The following PTPRD variants were observed in gnomAD, a reference collection of about 807,000 sequenced individuals.
PTPRD encodes the protein protein tyrosine phosphatase receptor type D, also known as receptor-type tyrosine-protein phosphatase delta.
PTPRD carries 34 observed loss-of-function variants against 214.5 expected under a neutral mutation model. That is an observed-to-expected ratio of 0.16 (90% CI 0.12 to 0.21). The LOEUF (loss-of-function observed/expected upper bound fraction) is 0.21, where lower values mean the gene tolerates loss of function less well. Ranked by LOEUF, PTPRD falls within the 10% of genes least tolerant of loss-of-function variation. PTPRD has a pLI of 1.00. For missense variants in PTPRD, 2,545 were observed against 2,398.7 expected, an observed-to-expected ratio of 1.06 and a Z score of -1.27; for synonymous variants, 1,128 against 845.7, an observed-to-expected ratio of 1.33 and a Z score of -5.79.
At chr9:9,161,043 G>T (rs2099887502) in intron 10 of PTPRD, among the ~76,000 whole-genome samples, 2 of 152,118 alleles carry the variant, frequency 1.3e-5, no homozygotes, top group Non-Finnish European at 2.9e-5. Context: ...TATGGGGCAG[G>T]GGGTGGCAGG....
At chr9:9,800,463 G>A (rs1331272530) in intron 5 of PTPRD, 1 of 152,118 alleles carries the variant, frequency 6.6e-6, no homozygotes, top group Non-Finnish European at 1.5e-5. Context: ...CAGGATCCCT[G>A]GAGAAAAAGG....
intron 12 of PTPRD, among the ~76,000 whole-genome samples, chr9:8,695,279 T>A (rs547525382): frequency 6.6e-6 from 1 of 152,174 alleles, no homozygotes; most frequent in Admixed American, 6.5e-5. Flanking sequence ...TAAATTTTCA[T>A]TCACCAGGAT....
intron 12 of PTPRD, among the ~76,000 whole-genome samples, chr9:8,728,011 G>C (rs2098604881): frequency 6.6e-6 from 1 of 152,280 alleles, no homozygotes; most frequent in African/African-American, 2.4e-5. Flanking sequence ...AATTTGGGAG[G>C]CCACGGCGGG....
At chr9:9,716,950 C>T (rs1282883091) in intron 7 of PTPRD, among the ~76,000 whole-genome samples, 1 of 152,134 alleles carries the variant, frequency 6.6e-6, no homozygotes, top group East Asian at 1.9e-4. Context: ...AATGGTAATG[C>T]CTAGGATGTC....
rs61268251 is a variant in PTPRD at position 9,720,780 on chromosome 9, G to T, written c.-287+13753C>A. Among the ~76,000 whole-genome samples, 10 of 151,368 alleles carry T rather than the reference G, an allele frequency of 6.6e-5. 1 individual carries two copies. The East Asian group carries it at 1.9e-3, about 29-fold the overall frequency. On this transcript the variant is annotated intron_variant, in intron 7 of 45. Coordinates refer to ENST00000381196, the MANE Select transcript of PTPRD (RefSeq NM_002839.4). ...ATGACAGGTTGGATAAATAAAATGCGATATATATACACCATGGAATACTAT... is the reference window on the plus strand; with the variant it reads ...ATGACAGGTTGGATAAATAAAATGCTATATATATACACCATGGAATACTAT...
At chr9:8,833,033 A>C (rs1465186505) in intron 11 of PTPRD, among the ~76,000 whole-genome samples, 1 of 152,134 alleles carries the variant, frequency 6.6e-6, no homozygotes, top group Non-Finnish European at 1.5e-5. Flanking sequence ...TCAGCAATAC[A>C]ACTGACTTGA....
chr9:10,199,672 T>A (rs2099411728), intron 3 of PTPRD, among the ~76,000 whole-genome samples: 1 of 151,968 alleles, frequency 6.6e-6, no homozygotes, highest in Admixed American at 6.6e-5. Context: ...TAAGAATAGA[T>A]ACCACATAGC....
chr9:10,234,629 A>AT (rs71321232), intron 3 of PTPRD, among the ~76,000 whole-genome samples: 52,862 of 151,748 alleles, frequency 0.35, 11,413 homozygotes, highest in Non-Finnish European at 0.49. Context: ...CTGGAAATGC[A>AT]TTGCTAAATT....
At chr9:9,826,424 T>C (rs557317818) in intron 5 of PTPRD, among the ~76,000 whole-genome samples, 1 of 152,172 alleles carries the variant, frequency 6.6e-6, no homozygotes, top group African/African-American at 2.4e-5. Context: ...TGAAGTATTT[T>C]GAAGGCAGAC....
chr9:9,294,677 G>A (rs989168503), intron 9 of PTPRD, among the ~76,000 whole-genome samples: 10 of 151,528 alleles, frequency 6.6e-5, no homozygotes, highest in African/African-American at 2.4e-4. Flanking sequence ...AAGAGACATG[G>A]CCTTAGAATG....
intron 5 of PTPRD, among the ~76,000 whole-genome samples, chr9:9,906,760 T>C (rs1029910949): frequency 6.6e-6 from 1 of 151,942 alleles, no homozygotes; most frequent in African/African-American, 2.4e-5. Context: ...TTCAAAAGTG[T>C]ATGTACATGG....
intron 9 of PTPRD, among the ~76,000 whole-genome samples, chr9:9,346,041 T>C (rs2048670103): frequency 6.6e-6 from 1 of 152,104 alleles, no homozygotes; most frequent in African/African-American, 2.4e-5. Context: ...TTTAAGAGTA[T>C]AGAATAGGGG....
intron 4 of PTPRD, among the ~76,000 whole-genome samples, chr9:9,998,115 T>TAAAAAAAAA (rs1158744931): frequency 3.8e-5 from 4 of 105,808 alleles, no homozygotes; most frequent in Admixed American, 2.1e-4. Flanking sequence ...TAAAGTATAA[T>TAAAAAAAAA]AAAAAAAAAA....
At chr9:8,946,653 G>T (rs1393492038) in intron 11 of PTPRD, among the ~76,000 whole-genome samples, 1 of 152,118 alleles carries the variant, frequency 6.6e-6, no homozygotes, top group Non-Finnish European at 1.5e-5. Context: ...TAAGGGCCAA[G>T]GACCAGGGAG....
intron 11 of PTPRD, among the ~76,000 whole-genome samples, chr9:8,909,475 C>T (rs1254789392): frequency 6.6e-6 from 1 of 152,048 alleles, no homozygotes; most frequent in Non-Finnish European, 1.5e-5. Flanking sequence ...TGTAGTAAGC[C>T]TTGACAGACA....
In PTPRD at chr9:9,768,232, T is replaced by C. The variant is rs552618698; in HGVS notation, c.-367-1381A>G. ...CTGTAGACTACTTACATACCCTCTC[T>C]GAGACTTGAATTTTCATGTACAATG... On this transcript the variant is annotated intron_variant, in intron 5 of 45. Transcript: ENST00000381196. Among the ~76,000 whole-genome samples the C allele has an allele frequency of 5.3e-3, 805 of 152,266 alleles. 6 individuals are homozygous for C. Among genetic ancestry groups the C allele is most frequent in the Middle Eastern group, 0.017 (5 of 294 alleles).
At chr9:10,572,621 C>T (rs2067829090) in intron 2 of PTPRD, among the ~76,000 whole-genome samples, 1 of 152,122 alleles carries the variant, frequency 6.6e-6, no homozygotes, top group Non-Finnish European at 1.5e-5. Flanking sequence ...CTAAAAAAAG[C>T]AGTTGTCCAT....
intron 9 of PTPRD, among the ~76,000 whole-genome samples, chr9:9,262,201 G>C (rs2099980439): frequency 6.6e-6 from 1 of 151,302 alleles, no homozygotes; most frequent in Non-Finnish European, 1.5e-5. Flanking sequence ...ATATTTCTTA[G>C]ATCCATGCTG....
chr9:8,993,611 C>A (rs1463093992), intron 11 of PTPRD, among the ~76,000 whole-genome samples: 1 of 152,052 alleles, frequency 6.6e-6, no homozygotes, highest in Non-Finnish European at 1.5e-5. Flanking sequence ...GGAAAATCAA[C>A]TAAGATGATT....
Sources: gnomAD v4.1 joint callset for allele counts (sites outside exome capture counted in the v4.1 genomes callset) on GRCh38, gnomAD v4.1.1 for gene constraint, MANE v1.5 for transcripts, NCBI Gene and HGNC (gene_info 2026-07-23, HGNC 2026-07-21) for gene names.